Variants in PTPRC observed in about 807,000 individuals in gnomAD.
PTPRC encodes the protein protein tyrosine phosphatase receptor type C.
Under a neutral mutation model 155.9 loss-of-function variants are expected in PTPRC, and 44 were observed. The ratio of observed to expected loss-of-function variants is 0.28; its 90% CI spans 0.22 to 0.36. PTPRC has a LOEUF of 0.36. Ranked by LOEUF, PTPRC falls within the 10% of genes least tolerant of loss-of-function variation. PTPRC has a pLI of 1.00. For missense variants in PTPRC, 1,401 were observed against 1,564.6 expected (o/e 0.90, Z 1.76); for synonymous variants, 525 against 533.1 (o/e 0.98, Z 0.21).
intron 2 of PTPRC, among the ~76,000 whole-genome samples, chr1:198,645,524 C>G (rs1005503329): frequency 6.6e-6 from 1 of 151,540 alleles, no homozygotes; most frequent in Admixed American, 6.6e-5. Context: ...CCCTTGAGAC[C>G]CAATTTCCTC....
At chr1:198,711,156 T>C (rs1371518633) in intron 11 of PTPRC, among the ~76,000 whole-genome samples, 3 of 152,186 alleles carry the variant, frequency 2.0e-5, no homozygotes, top group African/African-American at 7.2e-5. Context: ...AAAGGATAGT[T>C]GAAGGCTAAA....
At chr1:198,750,448 C>T (rs896044041) in intron 28 of PTPRC, 44 bp from the exon 29 acceptor site, 1 of 1,584,892 alleles carries the variant, frequency 6.3e-7, no homozygotes. Flanking sequence ...CTACTGAGCT[C>T]TCTTCTGTAG....
At chr1:198,691,574 T>C (rs901225601) in intron 2 of PTPRC, among the ~76,000 whole-genome samples, 1 of 152,072 alleles carries the variant, frequency 6.6e-6, no homozygotes, top group African/African-American at 2.4e-5. Flanking sequence ...TCTTTAATAA[T>C]CCATTTTCCA....
intron 14 of PTPRC, 56 bp from the exon 15 acceptor site, chr1:198,722,360 A>C (rs1653932699): frequency 1.3e-6 from 1 of 751,938 alleles, no homozygotes; most frequent in African/African-American, 1.9e-5. Flanking sequence ...ATATATATAT[A>C]TATATAAATT....
In PTPRC at chr1:198,699,260, T is replaced by C. The variant is rs553404916; in HGVS notation, c.299-304T>C. 3.9e-5 allele frequency among the ~76,000 whole-genome samples: 6 copies of C among 152,306 alleles called. No homozygotes were observed. In the South Asian group the frequency reaches 1.2e-3, roughly 32 times the overall value. On this transcript the variant is annotated intron_variant, in intron 4 of 32. Coordinates refer to ENST00000442510, the MANE Select transcript of PTPRC (RefSeq NM_002838.5). The stretch of plus-strand genomic sequence containing the variant: ...AAGAAATGTCCCATCTGTCAGTTTG[T>C]AGAGTTGATGGAGAATTCAGAAAGC...
intron 2 of PTPRC, among the ~76,000 whole-genome samples, chr1:198,681,061 G>A (rs1665295431): frequency 1.3e-5 from 2 of 152,126 alleles, no homozygotes; most frequent in Non-Finnish European, 2.9e-5. Context: ...TAGGTATTCG[G>A]TAAATGTTCC....
At chr1:198,733,243 G>A (rs1285026661) in intron 20 of PTPRC, among the ~76,000 whole-genome samples, 1 of 151,514 alleles carries the variant, frequency 6.6e-6, no homozygotes, top group Non-Finnish European at 1.5e-5. Flanking sequence ...TTTTCCCAGT[G>A]TCCTCACCTA....
chr1:198,752,743 C>A lies in PTPRC; in HGVS notation c.3480C>A (p.His1160Gln), dbSNP rs1424267368. Residue 1160 changes from histidine (H) to glutamine (Q), a missense_variant, in exon 31 of 33, where the codon CAC becomes CAA. Physicochemically the swap from His to Gln is conservative, Grantham distance 24. Transcript: ENST00000442510. ...QKNSSEGNKHHKSTPLLIHCR... is the reference protein window; with the variant it reads ...QKNSSEGNKHQKSTPLLIHCR... Reference sequence around the variant, plus strand: ...ATTCCTCTGAAGGGAACAAGCATCACAAGAGTACACCTCTACTCATTCACT... The same window carrying A: ...ATTCCTCTGAAGGGAACAAGCATCAAAAGAGTACACCTCTACTCATTCACT... The A allele has an allele frequency of 6.2e-7, 1 of 1,612,848 alleles. No individual in the cohort carries two copies. The highest frequency in any genetic ancestry group is 1.1e-5 in the South Asian group (1 of 91,056).
At chr1:198,704,793 G>A (rs1423672376) in intron 8 of PTPRC, among the ~76,000 whole-genome samples, 1 of 152,146 alleles carries the variant, frequency 6.6e-6, no homozygotes, top group Non-Finnish European at 1.5e-5. Flanking sequence ...CAATTTTACT[G>A]CAAACCTCAG....
At chr1:198,647,139 G>A (rs1662983016) in intron 2 of PTPRC, among the ~76,000 whole-genome samples, 1 of 151,728 alleles carries the variant, frequency 6.6e-6, no homozygotes, top group Non-Finnish European at 1.5e-5. Context: ...CAAATTTACT[G>A]TAAAGATCAT....
chr1:198,651,574 G>A (rs1663255260), intron 2 of PTPRC, among the ~76,000 whole-genome samples: 1 of 151,484 alleles, frequency 6.6e-6, no homozygotes, highest in Non-Finnish European at 1.5e-5. Flanking sequence ...ACTTACTGGT[G>A]GTTAGCTAAT....
chr1:198,686,146 A>G (rs1159938831), intron 2 of PTPRC, among the ~76,000 whole-genome samples: 1 of 152,120 alleles, frequency 6.6e-6, no homozygotes, highest in African/African-American at 2.4e-5. Flanking sequence ...ACATATTGGG[A>G]AAGGTAAATT....
intron 2 of PTPRC, among the ~76,000 whole-genome samples, chr1:198,651,292 T>TGTGTG (rs1663232721): frequency 6.8e-6 from 1 of 147,800 alleles, no homozygotes; most frequent in Non-Finnish European, 1.5e-5. Context: ...CAGATTGGGA[T>TGTGTG]TGTGTGTGTG....
chr1:198,638,991 C>A, upstream of PTPRC: 1 of 404,846 alleles, frequency 2.5e-6, no homozygotes, highest in Non-Finnish European at 4.5e-6. Context: ...TGACTTCCTG[C>A]AAAGAGGACC....
At position 198,728,455 on chromosome 1, in the gene PTPRC, G is replaced by C. The variant is rs757969413; in HGVS notation, c.1829+7G>C. ...TACATAAGAAAAGATCCTGGTAAGA[G>C]TTGATTTTAAATTTTTAAATAATAA... On this transcript the variant is annotated splice_region_variant and intron_variant, in intron 16 of 32. Transcript: ENST00000442510. 6.2e-7 allele frequency: 1 copy of C among 1,611,294 alleles called. No individual in the cohort carries two copies. Among genetic ancestry groups the C allele is most frequent in the East Asian group, 2.2e-5 (1 of 44,692 alleles).
intron 2 of PTPRC, among the ~76,000 whole-genome samples, chr1:198,691,482 G>T (rs1411493730): frequency 1.3e-5 from 2 of 151,856 alleles, no homozygotes; most frequent in Non-Finnish European, 2.9e-5. Flanking sequence ...TTCTTTTGGG[G>T]TATACTCTTC....
intron 20 of PTPRC, among the ~76,000 whole-genome samples, chr1:198,733,757 G>A (rs755963647): frequency 3.3e-5 from 5 of 151,690 alleles, no homozygotes; most frequent in African/African-American, 9.7e-5. Flanking sequence ...GTGAAAATGC[G>A]GGTAAAATCT....
rs1663718435 is a variant in PTPRC, at chr1:198,658,304, G to GT, written c.73+18967dup. 5.9e-5 allele frequency among the ~76,000 whole-genome samples: 9 copies of GT among 152,252 alleles called. No homozygotes were observed. In the South Asian group the frequency reaches 1.9e-3, roughly 32 times the overall value. ...TGGTATCGTGGGAATATTTTAGCAT[G>GT]TTTTGTATAGATAGACTGACACTAT... On this transcript the variant is annotated intron_variant, in intron 2 of 32. Coordinates refer to ENST00000442510, the MANE Select transcript of PTPRC (RefSeq NM_002838.5).
chr1:198,708,453 C>T (rs562920195), intron 10 of PTPRC, among the ~76,000 whole-genome samples, 192 bp downstream of exon 10: 3 of 152,058 alleles, frequency 2.0e-5, no homozygotes, highest in Admixed American at 2.0e-4. Context: ...ATTACCTATA[C>T]AATTCAAACA....
Sources: gnomAD v4.1 joint callset for allele counts (sites outside exome capture counted in the v4.1 genomes callset) on GRCh38, gnomAD v4.1.1 for gene constraint, MANE v1.5 for transcripts, NCBI Gene and HGNC (gene_info 2026-07-23, HGNC 2026-07-21) for gene names.